The following VRK3 variants were observed in gnomAD, a reference collection of about 807,000 sequenced individuals.
The protein encoded by VRK3 is VRK serine/threonine kinase 3, also known as serine/threonine-protein kinase VRK3.
In VRK3, 50 loss-of-function variants were observed where a neutral mutation model predicts 60.4. The ratio of observed to expected loss-of-function variants is 0.83; its 90% confidence interval spans 0.66 to 1.05. The LOEUF (loss-of-function observed/expected upper bound fraction) is 1.05. Ranked by LOEUF, VRK3 falls within the 50% of genes least tolerant of loss-of-function variation. VRK3 has a pLI of 0.00. For synonymous variants in VRK3, 246 were observed against 227.8 expected (o/e 1.08, Z -0.72); for missense variants, 549 against 585.3 (o/e 0.94, Z 0.64).
intron 6 of VRK3, chr19:49,998,037 T>G (rs1455129679): frequency 6.5e-6 from 1 of 152,786 alleles, no homozygotes; most frequent in East Asian, 1.9e-4. Context: ...AGATGCAGGT[T>G]ATGCGTTGAA....
chr19:50,016,309 A>C, intron 2 of VRK3, 146 bp from the exon 3 acceptor site: 6 of 1,036,394 alleles, frequency 5.8e-6, no homozygotes, highest in Non-Finnish European at 7.0e-6. Flanking sequence ...TTCTTAAAAC[A>C]TGCAATGGGA....
chr19:50,009,196 C>T (rs902723813), intron 4 of VRK3, 40 bp downstream of exon 4: 1 of 1,592,648 alleles, frequency 6.3e-7, no homozygotes, highest in Non-Finnish European at 8.6e-7. Context: ...CCTAACTTTG[C>T]TCCACTTAAG....
chr19:49,998,433 G>A (rs2076742579), intron 6 of VRK3: 2 of 151,140 alleles, frequency 1.3e-5, no homozygotes, highest in African/African-American at 4.9e-5. Flanking sequence ...GTTGCAGTGA[G>A]CCAAGACTGC....
At chr19:50,003,649 T>G (rs2076846827) in intron 5 of VRK3, among the ~76,000 whole-genome samples, 1 of 152,264 alleles carries the variant, frequency 6.6e-6, no homozygotes, top group Non-Finnish European at 1.5e-5. Context: ...ACTGCTCGAA[T>G]AACCATAACG....
At chr19:49,992,149 TG>T (rs1457250705) in intron 10 of VRK3, among the ~76,000 whole-genome samples, 3 of 152,286 alleles carry the variant, frequency 2.0e-5, no homozygotes, top group South Asian at 2.1e-4. Context: ...GGCTCAGGCC[TG>T]TAATCCCAGC....
intron 12 of VRK3, chr19:49,987,059 A>G (rs1409920325): frequency 6.6e-6 from 1 of 152,244 alleles, no homozygotes; most frequent in Non-Finnish European, 1.5e-5. Context: ...TATTTTCAGT[A>G]GAGACAGAGT....
chr19:49,993,963 CCCAGCACTCTTGTGGCTCT>C (rs1431286236), intron 9 of VRK3, among the ~76,000 whole-genome samples: 2 of 152,036 alleles, frequency 1.3e-5, no homozygotes, highest in African/African-American at 2.4e-5. Context: ...CTCCCCTAAT[CCCAGCACTCTTGTGGCTCT>C]CCAGTGCCCT....
intron 1 of VRK3, among the ~76,000 whole-genome samples, chr19:50,022,807 T>C (rs1030948316): frequency 1.3e-5 from 2 of 151,374 alleles, no homozygotes; most frequent in Non-Finnish European, 2.9e-5. Flanking sequence ...AATAAACAAA[T>C]AAATAAATAA....
At chr19:50,020,313 T>A (rs990754893) in intron 2 of VRK3, 18 of 152,416 alleles carry the variant, frequency 1.2e-4, no homozygotes, top group African/African-American at 4.1e-4. Flanking sequence ...AGTGCTGGAA[T>A]TATAGGCGTG....
At chr19:49,995,603 T>A (rs1256554122) in intron 7 of VRK3, among the ~76,000 whole-genome samples, 1 of 148,074 alleles carries the variant, frequency 6.8e-6, no homozygotes. Flanking sequence ...TCAACACGTG[T>A]CTAACCTAGC....
intron 5 of VRK3, among the ~76,000 whole-genome samples, chr19:50,005,121 C>G (rs1242139677): frequency 6.7e-6 from 1 of 148,978 alleles, no homozygotes; most frequent in Non-Finnish European, 1.5e-5. Context: ...CATCTCCTAT[C>G]ATCATTTGAG....
At chr19:49,995,757 CTTTT>C (rs909552103) in intron 7 of VRK3, among the ~76,000 whole-genome samples, 1 of 150,852 alleles carries the variant, frequency 6.6e-6, no homozygotes, top group Non-Finnish European at 1.5e-5. Context: ...TTTCTTTTTT[CTTTT>C]TTTTTGAGAC....
rs1367866656 is a variant in VRK3 at position 50,016,039 on chromosome 19, CAT to C, written c.122_123del (p.His41ArgfsTer16). On this transcript the variant is annotated frameshift_variant, in exon 3 of 15. Transcript: ENST00000316763. LOFTEE classifies it high-confidence loss of function. ...TGGTTCTTACCTTGGAAGGATGACA[CAT>C]GTGGATTGACAAAGGTCTGGGACCC... ...HVGSQTFVNP[H>X]VSSFQGSKRG... 5 of 1,614,064 alleles carry C rather than the reference CAT, an allele frequency of 3.1e-6. No individual in the cohort carries two copies. Among genetic ancestry groups the C allele is most frequent in the East Asian group, 2.2e-5 (1 of 44,902 alleles).
Position 50,018,617 on chromosome 19 carries a change from C to T in VRK3, c.-2+1968G>A, listed in dbSNP as rs75987987. Among the ~76,000 whole-genome samples the T allele has an allele frequency of 2.7e-3, 417 of 152,332 alleles. 1 individual carries two copies. Among genetic ancestry groups the T allele is most frequent in the African/African-American group, 9.8e-3 (409 of 41,580 alleles). On this transcript the variant is annotated intron_variant, in intron 2 of 14. Transcript: ENST00000316763. ...GGCTGTTGGTCAAGTATCTTTTACT[C>T]TCTAGAAAGCCAGTCATTCTAACTT... is the stretch of plus-strand genomic sequence containing the variant.
At chr19:49,988,901 G>A (rs1362897470) in intron 11 of VRK3, among the ~76,000 whole-genome samples, 1 of 152,172 alleles carries the variant, frequency 6.6e-6, no homozygotes, top group Non-Finnish European at 1.5e-5. Context: ...CAGAACACAC[G>A]GGAGCCCAGA....
chr19:49,986,763 TC>T (rs2076523226), intron 12 of VRK3: 1 of 152,206 alleles, frequency 6.6e-6, no homozygotes, highest in Non-Finnish European at 1.5e-5. Context: ...CTATATGCCT[TC>T]CCAGATAATC....
chr19:50,009,227 A>G lies in VRK3; in HGVS notation c.289+9T>C. On this transcript the variant is annotated intron_variant, in intron 4 of 14. Transcript: ENST00000316763. ...TTAAGAGTCAGGCCAGATAGACCTTAACTCTTACCTTTGGATCTCTCAGAG... is the reference window on the plus strand; with the variant it reads ...TTAAGAGTCAGGCCAGATAGACCTTGACTCTTACCTTTGGATCTCTCAGAG... The G allele has an allele frequency of 6.2e-7, 1 of 1,613,388 alleles. No individual in the cohort carries two copies. Among genetic ancestry groups the G allele is most frequent in the Non-Finnish European group, 8.5e-7 (1 of 1,179,656 alleles).
intron 11 of VRK3, 67 bp downstream of exon 11, chr19:49,989,572 A>G: frequency 1.3e-6 from 2 of 1,522,982 alleles, no homozygotes; most frequent in South Asian, 2.6e-5. Context: ...CTGGCTGTGA[A>G]CTCCTAGAGC....
Position 49,976,521 on chromosome 19 carries a change from C to T in VRK3, c.*275G>A, listed in dbSNP as rs1282118986. ...CAGAGGTGTCAAGGGTAGGAGGGGT[C>T]CCCCCTGTGGGCCGGCCCAACCCCA... On this transcript the variant is annotated 3_prime_UTR_variant, in exon 15 of 15. Coordinates refer to ENST00000316763, the MANE Select transcript of VRK3 (RefSeq NM_016440.4). 2 of 152,636 alleles carry T rather than the reference C, an allele frequency of 1.3e-5. No individual in the cohort carries two copies. Among genetic ancestry groups the T allele is most frequent in the South Asian group, 4.1e-4 (2 of 4,832 alleles). The allele number at this position is 152,636 out of a possible 1,614,324, so 9.5% of individuals were successfully genotyped here.
Sources: gnomAD v4.1 joint callset for allele counts (sites outside exome capture counted in the v4.1 genomes callset) on GRCh38, gnomAD v4.1.1 for gene constraint, MANE v1.5 for transcripts, NCBI Gene and HGNC (gene_info 2026-07-23, HGNC 2026-07-21) for gene names.